Variants in WWOX observed in about 807,000 individuals in gnomAD.
WWOX encodes the protein WW domain containing oxidoreductase.
In WWOX, 69 loss-of-function variants were observed where a neutral mutation model predicts 46.2. That is an observed-to-expected ratio of 1.49 (90% CI 1.23 to 1.82). WWOX has a LOEUF of 1.82. WWOX is among the 40% of genes most tolerant of loss of function. WWOX has a pLI of 0.00. For missense variants in WWOX, 919 were observed against 542.6 expected (o/e 1.69, Z -6.89); for synonymous variants, 359 against 202.6 (o/e 1.77, Z -6.56).
At chr16:78,585,717 T>G (rs2045184405) in intron 8 of WWOX, among the ~76,000 whole-genome samples, 1 of 151,274 alleles carries the variant, frequency 6.6e-6, no homozygotes, top group Admixed American at 6.6e-5. Context: ...TTTTTTTGCC[T>G]AATTTGTGCT....
At chr16:78,464,928 C>G (rs1379972845) in intron 8 of WWOX, among the ~76,000 whole-genome samples, 1 of 152,234 alleles carries the variant, frequency 6.6e-6, no homozygotes, top group Admixed American at 6.5e-5. Context: ...ATTTACTGAA[C>G]TCAGTCGTTT....
At chr16:78,475,812 C>G (rs59166703) in intron 8 of WWOX, among the ~76,000 whole-genome samples, 2 of 152,132 alleles carry the variant, frequency 1.3e-5, no homozygotes, top group African/African-American at 4.8e-5. Context: ...CCAGGCTGGT[C>G]TTGAACTCCT....
intron 8 of WWOX, among the ~76,000 whole-genome samples, chr16:78,665,381 A>T (rs1567474621): frequency 6.6e-6 from 1 of 152,078 alleles, no homozygotes. Context: ...TAAATAATTG[A>T]ATTATTATTA....
intron 7 of WWOX, among the ~76,000 whole-genome samples, chr16:78,427,994 G>C (rs1005807541): frequency 3.3e-5 from 5 of 152,164 alleles, no homozygotes; most frequent in East Asian, 3.9e-4. Context: ...CTTGAACTTG[G>C]GAGGTGGAGA....
chr16:78,580,356 G>T (rs2045018237), intron 8 of WWOX, among the ~76,000 whole-genome samples: 1 of 152,146 alleles, frequency 6.6e-6, no homozygotes, highest in Non-Finnish European at 1.5e-5. Context: ...TATCCGGTGT[G>T]AGCCACTGCA....
intron 8 of WWOX, among the ~76,000 whole-genome samples, chr16:78,990,118 A>G (rs1473945494): frequency 6.7e-6 from 1 of 150,062 alleles, no homozygotes; most frequent in African/African-American, 2.5e-5. Context: ...CAGGAAGTCT[A>G]GGCTGCAGTG....
Position 78,432,707 on chromosome 16 carries a change from G to C in WWOX, c.1011G>C (p.Val337=), listed in dbSNP as rs773816992. 1.2e-6 allele frequency: 2 copies of C among 1,614,190 alleles called. No individual in the cohort carries two copies. The highest frequency in any genetic ancestry group is 8.5e-7 in the Non-Finnish European group (1 of 1,180,038). Residue 337 remains valine, a synonymous_variant, in exon 8 of 9, where the codon GTG becomes GTC. Coordinates refer to ENST00000566780, the MANE Select transcript of WWOX (RefSeq NM_016373.4). ...MYSNIHRSWW[V]YTLLFTLARP... Reference sequence around the variant, plus strand: ...CCAACATTCATCGCAGCTGGTGGGTGTACACACTGCTGTTTACCTTGGCGA... The same window carrying C: ...CCAACATTCATCGCAGCTGGTGGGTCTACACACTGCTGTTTACCTTGGCGA...
At chr16:78,375,193 G>A (rs1012662965) in intron 5 of WWOX, among the ~76,000 whole-genome samples, 5 of 152,262 alleles carry the variant, frequency 3.3e-5, no homozygotes, top group Middle Eastern at 3.4e-3. Flanking sequence ...AACCGTCGTC[G>A]TCATTTCTCA....
chr16:78,861,182 C>G (rs549185666), intron 8 of WWOX, among the ~76,000 whole-genome samples: 1 of 152,182 alleles, frequency 6.6e-6, no homozygotes, highest in African/African-American at 2.4e-5. Context: ...CTCTTTGCTT[C>G]TTTCCTTTTT....
chr16:78,688,742 A>T (rs1283381214), intron 8 of WWOX, among the ~76,000 whole-genome samples: 1 of 152,154 alleles, frequency 6.6e-6, no homozygotes, highest in Non-Finnish European at 1.5e-5. Context: ...GGTTAGTGAT[A>T]GGGTTCGGCT....
intron 8 of WWOX, among the ~76,000 whole-genome samples, chr16:79,032,187 A>G (rs1006248790): frequency 7.5e-5 from 11 of 145,890 alleles, no homozygotes; most frequent in Non-Finnish European, 3.0e-5. Flanking sequence ...CATTGCCCCC[A>G]CCAAATATTT....
chr16:78,444,967 C>A (rs947730591), intron 8 of WWOX, among the ~76,000 whole-genome samples: 5 of 152,098 alleles, frequency 3.3e-5, no homozygotes, highest in Non-Finnish European at 7.4e-5. Context: ...CCTACAGGTA[C>A]CATTTAAGCT....
At chr16:78,248,186 A>G (rs2037872206) in intron 5 of WWOX, among the ~76,000 whole-genome samples, 1 of 152,154 alleles carries the variant, frequency 6.6e-6, no homozygotes, top group Non-Finnish European at 1.5e-5. Flanking sequence ...GCATGATGCT[A>G]GCATCTGCTT....
intron 8 of WWOX, among the ~76,000 whole-genome samples, chr16:78,487,603 A>G (rs2738700): frequency 0.078 from 11,834 of 152,200 alleles, 481 homozygotes; most frequent in African/African-American, 0.089. Context: ...AAGGTGGGTC[A>G]TTTGTACTGG....
At chr16:79,031,078 G>GT (rs547004348) in intron 8 of WWOX, among the ~76,000 whole-genome samples, 5 of 133,932 alleles carry the variant, frequency 3.7e-5, no homozygotes, top group Non-Finnish European at 7.9e-5. Context: ...GGACAACAGA[G>GT]TGAGACCCTG....
At chr16:78,388,087 T>C (rs1273144441) in intron 6 of WWOX, among the ~76,000 whole-genome samples, 1 of 152,192 alleles carries the variant, frequency 6.6e-6, no homozygotes, top group African/African-American at 2.4e-5. Flanking sequence ...GGTTGGAACG[T>C]AGTGCACAAT....
intron 8 of WWOX, among the ~76,000 whole-genome samples, chr16:78,920,150 G>A (rs1045890842): frequency 6.6e-6 from 1 of 152,056 alleles, no homozygotes; most frequent in Non-Finnish European, 1.5e-5. Flanking sequence ...CTTGCTCTTG[G>A]TCTTCTCCAT....
chr16:78,683,565 A>T (rs1187655400), intron 8 of WWOX, among the ~76,000 whole-genome samples: 1 of 151,648 alleles, frequency 6.6e-6, no homozygotes, highest in Non-Finnish European at 1.5e-5. Flanking sequence ...AAATAATAAA[A>T]AAAAAATTAC....
chr16:78,292,550 C>T (rs1235995182), intron 5 of WWOX, among the ~76,000 whole-genome samples: 1 of 151,802 alleles, frequency 6.6e-6, no homozygotes, highest in Non-Finnish European at 1.5e-5. Context: ...TTTCTATGGT[C>T]CAAATAAGTA....
Sources: allele counts gnomAD v4.1 joint callset (sites outside exome capture counted in the v4.1 genomes callset), GRCh38; gene constraint gnomAD v4.1.1; transcripts MANE v1.5; gene names NCBI Gene and HGNC (gene_info 2026-07-23, HGNC 2026-07-21).